The following TUT1 variants were observed in gnomAD, a reference collection of about 807,000 sequenced individuals.
The protein encoded by TUT1 is terminal uridylyl transferase 1, U6 snRNA-specific, also known as speckle targeted PIP5K1A-regulated poly(A) polymerase.
Under a neutral mutation model 48.8 loss-of-function variants are expected in TUT1, and 26 were observed. That is an observed-to-expected ratio of 0.53 (90% confidence interval 0.39 to 0.74). The LOEUF (loss-of-function observed/expected upper bound fraction) is 0.74, where lower values mean the gene tolerates loss of function less well. TUT1 is among the 30% of genes least tolerant of loss of function. The pLI is 0.00. For synonymous variants in TUT1, 470 were observed against 460.8 expected (o/e 1.02, Z -0.26); for missense variants, 1,065 against 1,114.8 (o/e 0.96, Z 0.64).
chr11:62,581,753 A>ACCAC, intron 2 of TUT1, 52 bp from the exon 3 acceptor site: 1 of 1,311,790 alleles, frequency 7.6e-7, no homozygotes, highest in Non-Finnish European at 1.0e-6. Flanking sequence ...GAATCTAAGC[A>ACCAC]CGAGATCTAC....
At position 62,576,004 on chromosome 11, in the gene TUT1, T is replaced by C. The variant is rs1282789408; in HGVS notation, c.1715A>G (p.Asn572Ser). The C allele has an allele frequency of 1.1e-5, 18 of 1,613,634 alleles. No homozygotes were observed. Among genetic ancestry groups the C allele is most frequent in the Non-Finnish European group, 1.4e-5 (17 of 1,179,958 alleles). ...RLQNCCRAAA[N>S]YCRSLQYQRR... ...CTGGTACTGGAGGCTTCGGCAGTAA[T>C]TGGCTGCTGCTCGGCAGCAGTTCTG... The change falls in exon 9 of 9, where the codon AAT becomes AGT. Residue 572 changes from asparagine (N) to serine (S), a missense_variant. Transcript: ENST00000476907.
In TUT1 at chr11:62,578,780, TC is replaced by T. The variant is rs1266109532; in HGVS notation, c.940del (p.Asp314ThrfsTer13). 1 of 1,613,948 alleles carries T rather than the reference TC, an allele frequency of 6.2e-7. No homozygotes were observed. The highest frequency in any genetic ancestry group is 1.1e-5 in the South Asian group (1 of 91,048). On this transcript the variant is annotated frameshift_variant, in exon 5 of 9. Coordinates refer to ENST00000476907, the MANE Select transcript of TUT1 (RefSeq NM_022830.3). LOFTEE classifies it high-confidence loss of function. The part of the protein sequence containing the change: ...SLPPASPLLE[D>X]REEGDLGKAS... The stretch of plus-strand genomic sequence containing the variant: ...CTTCCCCAGGTCCCCCTCTTCCCTG[TC>T]CTCTAGCAGTGGTGAAGCTGGAGGC...
At chr11:62,579,224 G>T (rs1360648526) in intron 4 of TUT1, among the ~76,000 whole-genome samples, 194 bp from the exon 5 acceptor site, 1 of 151,452 alleles carries the variant, frequency 6.6e-6, no homozygotes, top group Non-Finnish European at 1.5e-5. Flanking sequence ...GTCTACCTCT[G>T]CAAAAAATGT....
Position 62,575,308 on chromosome 11 carries a change from AGCCAC to A in TUT1, c.2406_2410del (p.Trp803GlyfsTer3). On this transcript the variant is annotated frameshift_variant, in exon 9 of 9. Coordinates refer to ENST00000476907, the MANE Select transcript of TUT1 (RefSeq NM_022830.3). LOFTEE classifies it low-confidence loss of function (END_TRUNC). Reference sequence around the variant, plus strand: ...CTGGGTGACCTGAGCCTCAGTCGCCAGCCACCCTGCTCTTGTGCCAGCGCCACCTC... The same window carrying A: ...CTGGGTGACCTGAGCCTCAGTCGCCACCTGCTCTTGTGCCAGCGCCACCTC... 6.2e-7 allele frequency: 1 copy of A among 1,614,166 alleles called. No homozygotes were observed. The highest frequency in any genetic ancestry group is 1.3e-5 in the African/African-American group (1 of 75,046).
At chr11:62,587,553 G>A (rs190639360) in intron 2 of TUT1, among the ~76,000 whole-genome samples, 44 of 152,274 alleles carry the variant, frequency 2.9e-4, no homozygotes, top group Non-Finnish European at 4.9e-4. Context: ...CAGCAGTATC[G>A]TAACTATGAA....
At chr11:62,579,210 A>T (rs1297581475) in intron 4 of TUT1, among the ~76,000 whole-genome samples, 180 bp from the exon 5 acceptor site, 1 of 152,226 alleles carries the variant, frequency 6.6e-6, no homozygotes, top group Non-Finnish European at 1.5e-5. Context: ...CTATAAAATA[A>T]AAGGTCTACC....
chr11:62,579,104 TCCAG>T, intron 4 of TUT1, 74 bp from the exon 5 acceptor site: 1 of 1,147,734 alleles, frequency 8.7e-7, no homozygotes, highest in Non-Finnish European at 1.2e-6. Context: ...TAATATTACT[TCCAG>T]CTTATTCAGC....
rs755351183 is a variant in TUT1, at chr11:62,589,107, T to A, written c.197A>T (p.Asp66Val). Residue 66 changes from aspartate (D) to valine (V), a missense_variant, in exon 2 of 9, where the codon GAT (aspartate) becomes GTT (valine). Transcript: ENST00000476907. ...CTCAGAGAGCTGAGCAGAATCCACA[T>A]CCCTGGGAAAGCCACTGACAAACAC... is the stretch of plus-strand genomic sequence containing the variant. ...RSVFVSGFPR[D>V]VDSAQLSEYF... 2 of 1,614,212 alleles carry A rather than the reference T, an allele frequency of 1.2e-6. No individual in the cohort carries two copies. The highest frequency in any genetic ancestry group is 4.5e-5 in the East Asian group (2 of 44,884).
intron 5 of TUT1, among the ~76,000 whole-genome samples, chr11:62,577,977 C>T (rs1033749104): frequency 2.0e-5 from 3 of 149,178 alleles, no homozygotes; most frequent in African/African-American, 5.0e-5. Context: ...AGGAGAATCG[C>T]TTGAACCTGG....
At chr11:62,576,592 T>G in intron 8 of TUT1, 65 bp downstream of exon 8, 29 of 1,352,288 alleles carry the variant, frequency 2.1e-5, no homozygotes, top group Non-Finnish European at 3.1e-5. Flanking sequence ...ACAGTTAGTG[T>G]GATATATGTT....
chr11:62,575,336 C>T lies in TUT1; in HGVS notation c.2383G>A (p.Gly795Ser). The T allele has an allele frequency of 6.2e-7, 1 of 1,614,122 alleles. No individual in the cohort carries two copies. The highest frequency in any genetic ancestry group is 1.1e-5 in the South Asian group (1 of 91,086). The change falls in exon 9 of 9, where the codon GGT (glycine) becomes AGT (serine). Residue 795 changes from glycine (G) to serine (S), a missense_variant. Gly to Ser is a moderately conservative substitution (Grantham distance 56). Coordinates refer to ENST00000476907, the MANE Select transcript of TUT1 (RefSeq NM_022830.3). ...LQQQTKEGAG[G>S]GAGTRAGWLA... is the part of the protein sequence containing the mutation. ...CACCCTGCTCTTGTGCCAGCGCCAC[C>T]TCCAGCTCCCTCCTTGGTTTGCTGC...
In TUT1 at chr11:62,578,425, A is replaced by G. The variant is rs1941765787; in HGVS notation, c.1160+136T>C. ...CCAGGCGTGGTGGCGCATGCCTGTAATCCCAGCTACTTGGGAGGCTGAGGC... is the reference window on the plus strand; with the variant it reads ...CCAGGCGTGGTGGCGCATGCCTGTAGTCCCAGCTACTTGGGAGGCTGAGGC... On this transcript the variant is annotated intron_variant, in intron 5 of 8. Coordinates refer to ENST00000476907, the MANE Select transcript of TUT1 (RefSeq NM_022830.3). The G allele has an allele frequency of 1.2e-5, 10 of 804,190 alleles. No individual in the cohort carries two copies. In the East Asian group the frequency reaches 2.8e-4, roughly 23 times the overall value. 49.8% of individuals were successfully genotyped at this position (804,190 alleles called of 1,614,324 possible).
Position 62,575,793 on chromosome 11 carries a change from C to A in TUT1, c.1926G>T (p.Thr642=), listed in dbSNP as rs767538860. The change falls in exon 9 of 9, where the codon ACG becomes ACT. Residue 642 remains threonine (T), a synonymous_variant. Coordinates refer to ENST00000476907, the MANE Select transcript of TUT1 (RefSeq NM_022830.3). ...GCHIEQATKR[T]RSEGGGTGES... ...CCCCAGTTCCACCTCCTTCTGACCG[C>A]GTTCTCTTGGTTGCCTGTTCTATAT... 14 of 1,614,084 alleles carry A rather than the reference C, an allele frequency of 8.7e-6. No homozygotes were observed. Among genetic ancestry groups the A allele is most frequent in the Non-Finnish European group, 1.2e-5 (14 of 1,180,050 alleles).
Position 62,577,228 on chromosome 11 carries a change from G to A in TUT1, c.1224C>T (p.Pro408=). The A allele has an allele frequency of 6.2e-7, 1 of 1,611,628 alleles. No individual in the cohort carries two copies. The highest frequency in any genetic ancestry group is 8.5e-7 in the Non-Finnish European group (1 of 1,179,260). Residue 408 remains proline (P), a synonymous_variant, in exon 6 of 9, where the codon CCC becomes CCT. Coordinates refer to ENST00000476907, the MANE Select transcript of TUT1 (RefSeq NM_022830.3). ...CCCAGCAGCGGAGGGTGTACACGAG[G>A]GGCCGGACTCGACCATCCAGCTCAG... ...LCSELDGRVR[P]LVYTLRCWAQ... is the part of the protein sequence containing the mutation.
chr11:62,589,497 A>G (rs1244154087), intron 1 of TUT1, among the ~76,000 whole-genome samples: 1 of 152,052 alleles, frequency 6.6e-6, no homozygotes, highest in East Asian at 1.9e-4. Flanking sequence ...TCTGCCTCCC[A>G]GGTTCAAGAA....
chr11:62,587,018 T>C (rs1941928062), intron 2 of TUT1, among the ~76,000 whole-genome samples: 1 of 148,620 alleles, frequency 6.7e-6, no homozygotes, highest in Non-Finnish European at 1.5e-5. Flanking sequence ...AGAAATACTT[T>C]TTCTAAAGGC....
chr11:62,580,368 G>A (rs1457215797), intron 4 of TUT1, among the ~76,000 whole-genome samples: 3 of 151,476 alleles, frequency 2.0e-5, no homozygotes, highest in Non-Finnish European at 4.4e-5. Context: ...GCTGAGGCAC[G>A]AGAATCACTT....
At position 62,581,186 on chromosome 11, in the gene TUT1, CA is replaced by C; in HGVS notation, c.609del (p.Phe203LeufsTer5). 1.2e-6 allele frequency: 2 copies of C among 1,614,036 alleles called. No homozygotes were observed. Among genetic ancestry groups the C allele is most frequent in the Non-Finnish European group, 1.7e-6 (2 of 1,180,020 alleles). ...EFFPGCVVHP[F>X]GSSINSFDVH... ...ACATCGAAGCTATTTATGGAAGAGC[CA>C]AAAGGGTGGACCACACAGCCTGGGT... is the stretch of plus-strand genomic sequence containing the variant. On this transcript the variant is annotated frameshift_variant, in exon 4 of 9. Coordinates refer to ENST00000476907, the MANE Select transcript of TUT1 (RefSeq NM_022830.3). LOFTEE classifies it high-confidence loss of function.
intron 2 of TUT1, among the ~76,000 whole-genome samples, chr11:62,584,828 C>CTT (rs558051358): frequency 1.9e-4 from 27 of 139,728 alleles, no homozygotes; most frequent in African/African-American, 6.8e-4. Flanking sequence ...TTTTATTTTA[C>CTT]TTTTTTTTTT....
Sources: allele counts gnomAD v4.1 joint callset (sites outside exome capture counted in the v4.1 genomes callset), GRCh38; gene constraint gnomAD v4.1.1; transcripts MANE v1.5; gene names NCBI Gene and HGNC (gene_info 2026-07-23, HGNC 2026-07-21).